CDH12: variants seen among roughly 807,000 people sequenced by gnomAD.
CDH12 encodes the protein cadherin 12, also known as cadherin-12.
CDH12 carries 41 observed loss-of-function variants against 74.1 expected under a neutral mutation model. The ratio of observed to expected loss-of-function variants is 0.55; its 90% confidence interval spans 0.43 to 0.72. The LOEUF (loss-of-function observed/expected upper bound fraction) is 0.72, where lower values mean the gene tolerates loss of function less well. Ranked by LOEUF, CDH12 falls within the 30% of genes least tolerant of loss-of-function variation. CDH12 has a pLI of 0.00. For synonymous variants in CDH12, 399 were observed against 355.0 expected, an observed-to-expected ratio of 1.12 and a Z score of -1.39; for missense variants, 945 against 977.2, an observed-to-expected ratio of 0.97 and a Z score of 0.44.
At position 22,847,021 on chromosome 5, in the gene CDH12, C is replaced by T. The variant is rs141833506; in HGVS notation, c.-523+6037G>A. On this transcript the variant is annotated intron_variant, in intron 1 of 14. Transcript: ENST00000382254. Reference sequence around the variant, plus strand: ...TGCCCTATGTGTTAGGTTATTGACACGACTACAATTCATTCCAATTCCATT... The same window carrying T: ...TGCCCTATGTGTTAGGTTATTGACATGACTACAATTCATTCCAATTCCATT... Among the ~76,000 whole-genome samples the T allele has an allele frequency of 7.3e-3, 1,115 of 152,242 alleles. 16 individuals carry two copies. Among genetic ancestry groups the T allele is most frequent in the African/African-American group, 0.025 (1,050 of 41,548 alleles).
chr5:22,002,984 G>T (rs1282186002), intron 5 of CDH12, among the ~76,000 whole-genome samples: 1 of 151,988 alleles, frequency 6.6e-6, no homozygotes, highest in East Asian at 1.9e-4. Flanking sequence ...AAATGATATA[G>T]CTAAAGAAAA....
At chr5:22,430,388 CAG>C (rs1243304839) in intron 2 of CDH12, among the ~76,000 whole-genome samples, 1 of 149,800 alleles carries the variant, frequency 6.7e-6, no homozygotes, top group Non-Finnish European at 1.5e-5. Flanking sequence ...ACCCATAAAA[CAG>C]AGTAAAAAAA....
intron 6 of CDH12, among the ~76,000 whole-genome samples, chr5:21,927,357 C>T (rs903310960): frequency 2.7e-5 from 4 of 150,524 alleles, no homozygotes; most frequent in African/African-American, 7.3e-5. Context: ...AGGCCCAGGT[C>T]GGCAGATCGC....
At position 22,138,845 on chromosome 5, in the gene CDH12, A is replaced by AATATATATATATATATATATATATATAT. The variant is rs67115449; in HGVS notation, c.-186-60011_-186-59984dup. Among the ~76,000 whole-genome samples, 13 of 76,564 alleles carry AATATATATATATATATATATATATATAT rather than the reference A, an allele frequency of 1.7e-4. 1 individual carries two copies. The highest frequency in any genetic ancestry group is 9.5e-4 in the South Asian group (2 of 2,110). The allele number at this position is 76,564 out of a possible 152,430, so 50.2% of individuals were successfully genotyped here. A position where few individuals can be genotyped will look rare whatever the true frequency, so the allele number is the denominator to read the frequency against. On this transcript the variant is annotated intron_variant, in intron 4 of 14. Coordinates refer to ENST00000382254, the MANE Select transcript of CDH12 (RefSeq NM_004061.5). ...AATATATATGTGTACATATATACGT[A>AATATATATATATATATATATATATATAT]ATATATATATATATATATATATATA...
intron 1 of CDH12, among the ~76,000 whole-genome samples, chr5:22,620,460 A>C (rs1432107501): frequency 1.3e-5 from 2 of 152,104 alleles, no homozygotes; most frequent in Admixed American, 6.6e-5. Context: ...AAAACACTAC[A>C]CATGGAAAAG....
In CDH12 at chr5:21,859,033, T is replaced by C. The variant is rs575356625; in HGVS notation, c.527-4243A>G. Among the ~76,000 whole-genome samples, 2 of 152,044 alleles carry C rather than the reference T, an allele frequency of 1.3e-5. 1 individual carries two copies. Among genetic ancestry groups the C allele is most frequent in the South Asian group, 4.1e-4 (2 of 4,834 alleles). ...AATTTTCAAGAATACAATATATTCC[T>C]ATTAGCTGGAGTCACCATGTTGTGT... is the stretch of plus-strand genomic sequence containing the variant. On this transcript the variant is annotated intron_variant, in intron 6 of 14. Coordinates refer to ENST00000382254, the MANE Select transcript of CDH12 (RefSeq NM_004061.5).
intron 5 of CDH12, among the ~76,000 whole-genome samples, chr5:22,005,161 C>T (rs1736866280): frequency 6.6e-6 from 1 of 152,152 alleles, no homozygotes. Context: ...CTGCCTCAGC[C>T]TCCTGGGTAG....
intron 3 of CDH12, among the ~76,000 whole-genome samples, chr5:22,232,379 TC>T (rs1752415521): frequency 1.3e-5 from 2 of 151,882 alleles, no homozygotes; most frequent in Admixed American, 1.3e-4. Flanking sequence ...TATTATGCCT[TC>T]TAAAAATAAT....
At chr5:21,864,177 A>G (rs1751204583) in intron 6 of CDH12, among the ~76,000 whole-genome samples, 1 of 151,754 alleles carries the variant, frequency 6.6e-6, no homozygotes, top group African/African-American at 2.4e-5. Context: ...AAAGGAATGG[A>G]ATACTATAAG....
intron 1 of CDH12, among the ~76,000 whole-genome samples, chr5:22,683,536 G>A (rs1316374543): frequency 2.0e-5 from 3 of 152,134 alleles, no homozygotes; most frequent in Non-Finnish European, 2.9e-5. Context: ...GAAACACACT[G>A]CAGTGTCATC....
intron 1 of CDH12, among the ~76,000 whole-genome samples, chr5:22,694,918 A>T (rs1742272800): frequency 6.6e-6 from 1 of 151,892 alleles, no homozygotes; most frequent in South Asian, 2.1e-4. Flanking sequence ...GATTTGCTAG[A>T]CCTATCAACC....
chr5:22,502,538 T>G (rs1324440123), intron 2 of CDH12, among the ~76,000 whole-genome samples: 4 of 152,094 alleles, frequency 2.6e-5, no homozygotes, highest in African/African-American at 9.7e-5. Context: ...TTTAATTTCC[T>G]AAGAAATTAT....
chr5:22,082,294 A>T (rs757374519), intron 4 of CDH12, among the ~76,000 whole-genome samples: 32 of 152,262 alleles, frequency 2.1e-4, no homozygotes, highest in Non-Finnish European at 4.4e-4. Flanking sequence ...GGAAGACTTT[A>T]TGGCTTCTCT....
intron 3 of CDH12, among the ~76,000 whole-genome samples, chr5:22,236,870 A>T (rs572846793): frequency 6.6e-6 from 1 of 152,224 alleles, no homozygotes; most frequent in East Asian, 1.9e-4. Flanking sequence ...CTTCAGGGGC[A>T]GTAATATGCA....
At chr5:22,602,868 A>G (rs986740747) in intron 1 of CDH12, among the ~76,000 whole-genome samples, 2 of 152,186 alleles carry the variant, frequency 1.3e-5, no homozygotes, top group Admixed American at 6.5e-5. Flanking sequence ...CATTTAACTC[A>G]TATCTGCCAA....
chr5:22,831,382 T>TGTGTGTGTGTGTGTGG, intron 1 of CDH12, among the ~76,000 whole-genome samples: 1 of 150,882 alleles, frequency 6.6e-6, no homozygotes, highest in African/African-American at 2.4e-5. Flanking sequence ...TGTGTGTGTG[T>TGTGTGTGTGTGTGTGG]GTGTGTGTGT....
intron 2 of CDH12, among the ~76,000 whole-genome samples, chr5:22,437,440 T>G (rs969441019): frequency 1.3e-5 from 2 of 151,686 alleles, no homozygotes; most frequent in African/African-American, 4.8e-5. Flanking sequence ...ATACAAAGTC[T>G]AGTCTTAGCG....
At chr5:22,701,202 A>T (rs1742696307) in intron 1 of CDH12, among the ~76,000 whole-genome samples, 1 of 152,096 alleles carries the variant, frequency 6.6e-6, no homozygotes, top group African/African-American at 2.4e-5. Context: ...AGGTTTGATA[A>T]TCACCTCAAA....
chr5:22,578,012 A>C (rs1387061401), intron 1 of CDH12, among the ~76,000 whole-genome samples: 1 of 152,206 alleles, frequency 6.6e-6, no homozygotes, highest in Admixed American at 6.5e-5. Flanking sequence ...TAAATGTATT[A>C]CTGCAACCCA....
Sources: allele counts gnomAD v4.1 joint callset (sites outside exome capture counted in the v4.1 genomes callset), GRCh38; gene constraint gnomAD v4.1.1; transcripts MANE v1.5; gene names NCBI Gene and HGNC (gene_info 2026-07-23, HGNC 2026-07-21).